Variants in CREB5 observed in about 807,000 individuals in gnomAD.
CREB5 encodes the protein cyclic AMP-responsive element-binding protein 5.
CREB5 carries 19 observed loss-of-function variants against 57.1 expected under a neutral mutation model. The observed-to-expected ratio is 0.33, with a 90% confidence interval of 0.23 to 0.49. The LOEUF is 0.49. Ranked by LOEUF, CREB5 falls within the 20% of genes least tolerant of loss-of-function variation. The pLI, the probability that CREB5 is intolerant of heterozygous loss-of-function variation, is 0.99. For synonymous variants in CREB5, 238 were observed against 238.3 expected, an observed-to-expected ratio of 1.00 and a Z score of 0.01; for missense variants, 579 against 671.6, an observed-to-expected ratio of 0.86 and a Z score of 1.52.
intron 7 of CREB5, among the ~76,000 whole-genome samples, chr7:28,771,564 G>T (rs893016579): frequency 6.6e-6 from 1 of 152,018 alleles, no homozygotes; most frequent in Non-Finnish European, 1.5e-5. Flanking sequence ...TCAGGCTCCC[G>T]GTACGTGTGA....
intron 7 of CREB5, among the ~76,000 whole-genome samples, chr7:28,780,986 G>T (rs1806940052): frequency 6.6e-6 from 1 of 152,212 alleles, no homozygotes; most frequent in Non-Finnish European, 1.5e-5. Context: ...TTGAGGAATA[G>T]AATTGTGTTA....
intron 1 of CREB5, among the ~76,000 whole-genome samples, chr7:28,413,658 T>A (rs1168399245): frequency 6.6e-6 from 1 of 152,166 alleles, no homozygotes; most frequent in Non-Finnish European, 1.5e-5. Context: ...CCTTATATAG[T>A]TGATACCTGA....
At chr7:28,772,101 G>C (rs1425581930) in intron 7 of CREB5, among the ~76,000 whole-genome samples, 1 of 152,150 alleles carries the variant, frequency 6.6e-6, no homozygotes, top group Admixed American at 6.5e-5. Flanking sequence ...CAGACGTTAA[G>C]GGACATGGGA....
intron 5 of CREB5, among the ~76,000 whole-genome samples, chr7:28,696,767 TATAC>T (rs757231001): frequency 1.5e-4 from 22 of 150,148 alleles, no homozygotes; most frequent in Non-Finnish European, 3.1e-4. Flanking sequence ...CATACACACA[TATAC>T]ATATATATAC....
At chr7:28,813,338 G>A (rs1809239658) in intron 9 of CREB5, among the ~76,000 whole-genome samples, 1 of 152,196 alleles carries the variant, frequency 6.6e-6, no homozygotes, top group African/African-American at 2.4e-5. Flanking sequence ...TAGAACGTCT[G>A]TGTTCAGTAG....
chr7:28,339,930 C>G (rs758298894), intron 1 of CREB5, among the ~76,000 whole-genome samples: 2 of 152,206 alleles, frequency 1.3e-5, no homozygotes. Flanking sequence ...CACAGGCCCA[C>G]GGGCAGTACT....
chr7:28,611,552 G>A (rs1299383666), intron 5 of CREB5, among the ~76,000 whole-genome samples: 2 of 144,250 alleles, frequency 1.4e-5, no homozygotes, highest in African/African-American at 5.1e-5. Flanking sequence ...TGTAATTCCT[G>A]TAATTCCAGC....
At chr7:28,694,480 G>C (rs796353099) in intron 5 of CREB5, among the ~76,000 whole-genome samples, 43 of 152,114 alleles carry the variant, frequency 2.8e-4, no homozygotes, top group African/African-American at 9.4e-4. Flanking sequence ...AGGTCACAGG[G>C]AACGTCATTT....
chr7:28,485,658 G>A (rs915806455), intron 1 of CREB5, among the ~76,000 whole-genome samples: 2 of 152,116 alleles, frequency 1.3e-5, no homozygotes, highest in African/African-American at 2.4e-5. Flanking sequence ...TAGGCATGGA[G>A]CAATTAAATG....
At chr7:28,473,123 G>C (rs1790898043) in intron 1 of CREB5, among the ~76,000 whole-genome samples, 1 of 152,140 alleles carries the variant, frequency 6.6e-6, no homozygotes, top group Admixed American at 6.5e-5. Flanking sequence ...AGGAGTTCAA[G>C]ACCAGCCTGG....
intron 1 of CREB5, among the ~76,000 whole-genome samples, chr7:28,368,923 G>A (rs963279125): frequency 6.6e-6 from 1 of 152,146 alleles, no homozygotes; most frequent in African/African-American, 2.4e-5. Flanking sequence ...GTGCACACCT[G>A]TAGTCCCAGC....
At chr7:28,375,361 C>T (rs563157741) in intron 1 of CREB5, among the ~76,000 whole-genome samples, 9 of 151,832 alleles carry the variant, frequency 5.9e-5, no homozygotes, top group African/African-American at 1.2e-4. Flanking sequence ...TACCAGAGGC[C>T]GGGAGTGGTA....
At chr7:28,431,265 C>T (rs767191171) in intron 1 of CREB5, among the ~76,000 whole-genome samples, 4 of 152,124 alleles carry the variant, frequency 2.6e-5, no homozygotes, top group South Asian at 2.1e-4. Context: ...TACCAGAGGA[C>T]GGGTCACTGG....
intron 1 of CREB5, among the ~76,000 whole-genome samples, chr7:28,468,649 C>T (rs1583500381): frequency 1.3e-5 from 2 of 152,354 alleles, no homozygotes; most frequent in African/African-American, 4.8e-5. Flanking sequence ...CTCTCATCGT[C>T]TCCCTTGAGA....
intron 7 of CREB5, chr7:28,726,679 A>G (rs1396667273): frequency 1.3e-5 from 2 of 152,190 alleles, no homozygotes; most frequent in African/African-American, 4.8e-5. Flanking sequence ...ACTGTTTTCA[A>G]GGACTTTTCC....
At chr7:28,816,055 GCACACACACACACA>G (rs34917973) in intron 9 of CREB5, among the ~76,000 whole-genome samples, 7 of 145,338 alleles carry the variant, frequency 4.8e-5, no homozygotes, top group African/African-American at 1.3e-4. Flanking sequence ...AAATATATAC[GCACACACACACACA>G]CACACACACA....
At chr7:28,713,493 GTT>G (rs905227514) in intron 5 of CREB5, among the ~76,000 whole-genome samples, 9 of 152,172 alleles carry the variant, frequency 5.9e-5, no homozygotes, top group African/African-American at 2.2e-4. Context: ...TCTATTTGGG[GTT>G]TAGTCATGTT....
At chr7:28,777,509 C>T (rs1393283121) in intron 7 of CREB5, among the ~76,000 whole-genome samples, 2 of 152,068 alleles carry the variant, frequency 1.3e-5, no homozygotes, top group African/African-American at 4.8e-5. Flanking sequence ...ATATAGAAGC[C>T]TTGTATAACT....
chr7:28,332,670 T>C (rs1198568689), intron 1 of CREB5, among the ~76,000 whole-genome samples: 1 of 152,216 alleles, frequency 6.6e-6, no homozygotes, highest in African/African-American at 2.4e-5. Flanking sequence ...ATTTAAAAAA[T>C]GTTAAAATAT....
Sources: gnomAD v4.1 joint callset for allele counts (sites outside exome capture counted in the v4.1 genomes callset) on GRCh38, gnomAD v4.1.1 for gene constraint, MANE v1.5 for transcripts, NCBI Gene and HGNC (gene_info 2026-07-23, HGNC 2026-07-21) for gene names.